The following GBP3 variants were observed in gnomAD, a reference collection of about 807,000 sequenced individuals.
GBP3 encodes guanylate-binding protein 3.
In GBP3, 55 loss-of-function variants were observed where a neutral mutation model predicts 62.4. That is an observed-to-expected ratio of 0.88 (90% CI 0.71 to 1.10). The LOEUF (loss-of-function observed/expected upper bound fraction) is 1.10, where lower values mean the gene tolerates loss of function less well. GBP3 is among the 50% of genes least tolerant of loss of function. The probability of loss-of-function intolerance (pLI) is 0.00; values close to 1 mark genes in which losing one functional copy is unlikely to be tolerated. For synonymous variants in GBP3, 208 were observed against 259.2 expected (o/e 0.80, Z 1.90); for missense variants, 605 against 690.6 (o/e 0.88, Z 1.39).
intron 1 of GBP3, among the ~76,000 whole-genome samples, chr1:89,022,036 C>T (rs1185944024): frequency 2.2e-5 from 3 of 134,192 alleles, no homozygotes; most frequent in East Asian, 2.1e-4. Flanking sequence ...ACTAGGCCAC[C>T]GCCCTCTCTC....
At chr1:89,021,089 T>A (rs2101169077) in intron 1 of GBP3, among the ~76,000 whole-genome samples, 1 of 152,240 alleles carries the variant, frequency 6.6e-6, no homozygotes, top group South Asian at 2.1e-4. Flanking sequence ...ATGTAAGAAA[T>A]TAAATATTGA....
At position 89,014,668 on chromosome 1, in the gene GBP3, G is replaced by C; in HGVS notation, c.319-12C>G. 6.2e-7 allele frequency: 1 copy of C among 1,613,970 alleles called. No homozygotes were observed. The highest frequency in any genetic ancestry group is 8.5e-7 in the Non-Finnish European group (1 of 1,179,924). ...TTCTGGTTGTCACCCTGGAAGTCAAGACACACTGGAGTCAGGAGCAAGTTT... is the reference window on the plus strand; with the variant it reads ...TTCTGGTTGTCACCCTGGAAGTCAACACACACTGGAGTCAGGAGCAAGTTT... On this transcript the variant is annotated splice_polypyrimidine_tract_variant and intron_variant, in intron 3 of 10. Transcript: ENST00000370481.
intron 10 of GBP3, among the ~76,000 whole-genome samples, chr1:89,008,294 C>T (rs956901838): frequency 7.3e-5 from 11 of 151,362 alleles, no homozygotes; most frequent in African/African-American, 2.7e-4. Context: ...ATCTAAGTCT[C>T]TACTCCCTGT....
In GBP3 at chr1:89,011,016, T is replaced by A; in HGVS notation, c.1250A>T (p.Glu417Val). The change falls in exon 8 of 11, where the codon GAA becomes GTA. Residue 417 changes from glutamate to valine, a missense_variant. Physicochemically the swap from Glu to Val is moderately radical, Grantham distance 121. Coordinates refer to ENST00000370481, the MANE Select transcript of GBP3 (RefSeq NM_018284.3). ...ATAAATTCCCGCCTTCACTTCTTCT[T>A]CTAGAGGACTGAAAATGACCTGAAG... ...ALLQVIFSPL[E>V]EEVKAGIYSK... 6.8e-7 allele frequency: 1 copy of A among 1,461,888 alleles called. No individual in the cohort carries two copies. The highest frequency in any genetic ancestry group is 1.2e-5 in the South Asian group (1 of 84,730). The allele number at this position is 1,461,888 out of a possible 1,614,324, so 90.6% of individuals were successfully genotyped here. A position where few individuals can be genotyped will look rare whatever the true frequency, so the allele number is the denominator to read the frequency against.
chr1:89,014,685 A>G (rs748157079), intron 3 of GBP3, 29 bp from the exon 4 acceptor site: 3 of 1,613,650 alleles, frequency 1.9e-6, no homozygotes, highest in Non-Finnish European at 2.5e-6. Context: ...TGGAGTCAGG[A>G]GCAAGTTTCA....
At chr1:89,010,124 ATT>A (rs3065858) in intron 8 of GBP3, among the ~76,000 whole-genome samples, 55,017 of 144,056 alleles carry the variant, frequency 0.38, 10,206 homozygotes, top group East Asian at 0.5. Context: ...TAATTAACTA[ATT>A]TTTTTTTTTT....
intron 2 of GBP3, among the ~76,000 whole-genome samples, chr1:89,018,178 C>G (rs896339247): frequency 1.3e-5 from 2 of 152,260 alleles, no homozygotes; most frequent in African/African-American, 4.8e-5. Context: ...TACAAAATTG[C>G]ATGCAGGATT....
chr1:89,011,297 A>G (rs1678559340), intron 7 of GBP3, among the ~76,000 whole-genome samples, 181 bp from the exon 8 acceptor site: 1 of 139,648 alleles, frequency 7.2e-6, no homozygotes, highest in Admixed American at 7.4e-5. Flanking sequence ...CTTTCTCTTT[A>G]GAGGTGAGGT....
At chr1:89,021,606 T>C (rs189923626) in intron 1 of GBP3, among the ~76,000 whole-genome samples, 185 of 146,032 alleles carry the variant, frequency 1.3e-3, no homozygotes, top group African/African-American at 3.9e-3. Context: ...AAATAAGGAC[T>C]GAAAGACCAG....
chr1:89,007,518 G>A lies in GBP3; in HGVS notation c.*206C>T. On this transcript the variant is annotated 3_prime_UTR_variant, in exon 11 of 11. Coordinates refer to ENST00000370481, the MANE Select transcript of GBP3 (RefSeq NM_018284.3). ...GGCAACTCATGATCCCTCCTCTGTT[G>A]GTACAGAGGTAAATGCATCTTTGTT... 1 of 490,146 alleles carries A rather than the reference G, an allele frequency of 2.0e-6. No homozygotes were observed. The allele number at this position is 490,146 out of a possible 1,614,324, so 30.4% of individuals were successfully genotyped here.
At chr1:89,009,628 A>G (rs1678445158) in intron 8 of GBP3, 134 bp from the exon 9 acceptor site, 2 of 1,254,326 alleles carry the variant, frequency 1.6e-6, no homozygotes, top group African/African-American at 3.0e-5. Flanking sequence ...AAGATTCCCT[A>G]TCACAGGGCC....
intron 2 of GBP3, among the ~76,000 whole-genome samples, chr1:89,019,294 C>CT (rs1679054586): frequency 1.3e-5 from 2 of 152,136 alleles, no homozygotes; most frequent in Admixed American, 1.3e-4. Context: ...TTTTTTATTT[C>CT]TTTATTTATT....
chr1:89,013,188 G>A lies in GBP3; in HGVS notation c.865C>T (p.Pro289Ser). The change falls in exon 6 of 11, where the codon CCT becomes TCT. Residue 289 changes from proline to serine, a missense_variant. Physicochemically the swap from Pro to Ser is moderately conservative, Grantham distance 74 (BLOSUM62 -1). Around this residue, in one of 3 missense-constraint regions of GBP3, gnomAD observed 137 missense variants for 224.7 expected, o/e 0.61. Transcript: ENST00000370481. ...TLSGGIKVNGPRLESLVLTYI... is the reference protein window; with the variant it reads ...TLSGGIKVNGSRLESLVLTYI... ...AAGTACTACGAAGGGGACTTACGAG[G>A]CCCATTGACCTTGATGCCTCCTGAA... 6.2e-7 allele frequency: 1 copy of A among 1,612,992 alleles called. No homozygotes were observed. The highest frequency in any genetic ancestry group is 8.5e-7 in the Non-Finnish European group (1 of 1,179,130).
chr1:89,009,862 C>T lies in GBP3; in HGVS notation c.1363-368G>A, dbSNP rs375411774. ...TAGAGGGAGGAAGAGAGGGAGAGAA[C>T]TGTGGGGATGCAGGGAGGATATCAG... is the stretch of plus-strand genomic sequence containing the variant. On this transcript the variant is annotated intron_variant, in intron 8 of 10. Coordinates refer to ENST00000370481, the MANE Select transcript of GBP3 (RefSeq NM_018284.3). Among the ~76,000 whole-genome samples the T allele has an allele frequency of 1.1e-4, 16 of 152,210 alleles. 2 individuals are homozygous for T. Among genetic ancestry groups the T allele is most frequent in the Admixed American group, 1.3e-4 (2 of 15,268 alleles).
At position 89,007,851 on chromosome 1, in the gene GBP3, T is replaced by C. The variant is rs890016735; in HGVS notation, c.1661A>G (p.Glu554Gly). 2.5e-6 allele frequency: 4 copies of C among 1,610,862 alleles called. No homozygotes were observed. Among genetic ancestry groups the C allele is most frequent in the Non-Finnish European group, 3.4e-6 (4 of 1,178,940 alleles). Reference protein sequence around the residue: ...QEKTLTSKLQEQARVLKERCQ... With the variant: ...QEKTLTSKLQGQARVLKERCQ... The stretch of plus-strand genomic sequence containing the variant: ...TCTCTCCTTTAGTACTCGGGCCTGT[T>C]CCTAAAAAGGGACAAATGGAGGCTA... Residue 554 changes from glutamate (E) to glycine (G), a missense_variant and splice_region_variant, in exon 11 of 11, where the codon GAA (glutamate) becomes GGA (glycine). Glu to Gly is a moderately conservative substitution (Grantham distance 98, BLOSUM62 -2). Transcript: ENST00000370481.
chr1:89,009,316 A>G, intron 9 of GBP3, 76 bp downstream of exon 9: 2 of 1,494,908 alleles, frequency 1.3e-6, no homozygotes, highest in Admixed American at 4.0e-5. Flanking sequence ...CAAATTATTT[A>G]AAATTTTAAA....
chr1:89,010,764 CCCT>C, intron 8 of GBP3, 137 bp downstream of exon 8: 2 of 1,092,466 alleles, frequency 1.8e-6, no homozygotes, highest in African/African-American at 3.2e-5. Context: ...CAGTCTCCCT[CCCT>C]GCATATGTTA....
intron 9 of GBP3, 61 bp from the exon 10 acceptor site, chr1:89,009,201 A>G: frequency 1.3e-6 from 2 of 1,532,606 alleles, no homozygotes; most frequent in East Asian, 2.3e-5. Context: ...TTAGTTATAC[A>G]CTTACCCTCC....
At chr1:89,009,633 A>G in intron 8 of GBP3, 139 bp from the exon 9 acceptor site, 1 of 1,198,714 alleles carries the variant, frequency 8.3e-7, no homozygotes, top group Non-Finnish European at 1.2e-6. Context: ...TCCCTATCAC[A>G]GGGCCAGATA....
Sources: allele counts gnomAD v4.1 joint callset (sites outside exome capture counted in the v4.1 genomes callset), GRCh38; gene constraint gnomAD v4.1.1; regional missense constraint gnomAD v4.1.1; transcripts MANE v1.5; gene names NCBI Gene and HGNC (gene_info 2026-07-23, HGNC 2026-07-21).